RPS6KA5: variants seen among roughly 807,000 people sequenced by gnomAD.
The protein encoded by RPS6KA5 is ribosomal protein S6 kinase alpha-5.
RPS6KA5 carries 27 observed loss-of-function variants against 85.5 expected under a neutral mutation model. The ratio of observed to expected loss-of-function variants is 0.32; its 90% confidence interval spans 0.23 to 0.44. The LOEUF is 0.44. RPS6KA5 is among the 20% of genes least tolerant of loss of function. The pLI, the probability that RPS6KA5 is intolerant of heterozygous loss-of-function variation, is 1.00. For synonymous variants in RPS6KA5, 334 were observed against 348.2 expected (o/e 0.96, Z 0.46); for missense variants, 811 against 980.9 (o/e 0.83, Z 2.31).
intron 1 of RPS6KA5, among the ~76,000 whole-genome samples, chr14:91,020,277 T>C (rs377238378): frequency 2.0e-5 from 3 of 151,428 alleles, no homozygotes; most frequent in East Asian, 2.0e-4. Flanking sequence ...CAACCAATTA[T>C]AGATTTAAAA....
chr14:90,861,635 A>AAT lies in RPS6KA5; in HGVS notation c.*10437_*10438dup, dbSNP rs199677458. On this transcript the variant is annotated 3_prime_UTR_variant, in exon 17 of 17. Transcript: ENST00000614987. ...CAATAACATAAAAGGAAGAAGGGGG[A>AAT]ATACCTGTAATCCCAGCACTTTGGG... 0.018 allele frequency: 2,691 copies of AAT among 150,416 alleles called. 97 individuals are homozygous for AAT. Among genetic ancestry groups the AAT allele is most frequent in the African/African-American group, 0.062 (2,555 of 40,960 alleles). The allele number at this position is 150,416 out of a possible 1,614,324, so 9.3% of individuals were successfully genotyped here.
intron 11 of RPS6KA5, 24 bp from the exon 12 acceptor site, chr14:90,899,446 C>A (rs1203673947): frequency 1.3e-6 from 2 of 1,533,770 alleles, no homozygotes; most frequent in East Asian, 4.5e-5. Context: ...CACTTAGCAT[C>A]CACATGTCTC....
intron 2 of RPS6KA5, among the ~76,000 whole-genome samples, chr14:90,994,171 G>A (rs1054040665): frequency 6.6e-6 from 1 of 152,040 alleles, no homozygotes; most frequent in Non-Finnish European, 1.5e-5. Context: ...CACCACACCC[G>A]GCCTATCCTC....
chr14:90,915,211 G>T (rs950620798), intron 7 of RPS6KA5, among the ~76,000 whole-genome samples: 3 of 152,140 alleles, frequency 2.0e-5, no homozygotes, highest in Non-Finnish European at 2.9e-5. Flanking sequence ...AATCTTTTTT[G>T]TAAAGGGCTC....
chr14:90,980,980 T>C lies in RPS6KA5; in HGVS notation c.176-2456A>G, dbSNP rs186463172. 3.8e-3 allele frequency among the ~76,000 whole-genome samples: 576 copies of C among 152,322 alleles called. 1 individual carries two copies. Among genetic ancestry groups the C allele is most frequent in the African/African-American group, 0.013 (552 of 41,576 alleles). On this transcript the variant is annotated intron_variant, in intron 2 of 16. Coordinates refer to ENST00000614987, the MANE Select transcript of RPS6KA5 (RefSeq NM_004755.4). ...TGAGGTCAGGAGTTTGAGACCAGCC[T>C]GATCAACATGGAGAAACCCTGTCTC... is the stretch of plus-strand genomic sequence containing the variant.
At position 90,856,836 on chromosome 14, in the gene RPS6KA5, C is replaced by T; in HGVS notation, c.*15238G>A. ...TGTCACTCCCTATTTCCCCCTCCCA[C>T]CAGCCCCTGAAAAACACTAATCTTT... On this transcript the variant is annotated 3_prime_UTR_variant, in exon 17 of 17. Coordinates refer to ENST00000614987, the MANE Select transcript of RPS6KA5 (RefSeq NM_004755.4). 1 of 164,384 alleles carries T rather than the reference C, an allele frequency of 6.1e-6. No homozygotes were observed. Among genetic ancestry groups the T allele is most frequent in the Non-Finnish European group, 1.3e-5 (1 of 77,002 alleles). 10.2% of individuals were successfully genotyped at this position (164,384 alleles called of 1,614,324 possible). A position where few individuals can be genotyped will look rare whatever the true frequency, so the allele number is the denominator to read the frequency against.
intron 3 of RPS6KA5, among the ~76,000 whole-genome samples, chr14:90,962,267 T>C (rs1341942106): frequency 1.3e-5 from 2 of 150,978 alleles, no homozygotes; most frequent in East Asian, 2.0e-4. Flanking sequence ...TAAAGAATTT[T>C]TTCCTAAGGG....
chr14:90,935,794 T>C (rs1436489938), intron 5 of RPS6KA5, among the ~76,000 whole-genome samples: 1 of 152,228 alleles, frequency 6.6e-6, no homozygotes, highest in Non-Finnish European at 1.5e-5. Flanking sequence ...ACCTGGGGAT[T>C]CGTGTTAATG....
chr14:90,882,429 G>C (rs1014775352), intron 14 of RPS6KA5, among the ~76,000 whole-genome samples: 1 of 152,162 alleles, frequency 6.6e-6, no homozygotes, highest in Non-Finnish European at 1.5e-5. Context: ...AATAATGCTA[G>C]CTTTTTACAA....
At chr14:90,916,150 A>C (rs879583455) in intron 7 of RPS6KA5, among the ~76,000 whole-genome samples, 5 of 152,218 alleles carry the variant, frequency 3.3e-5, no homozygotes, top group Non-Finnish European at 5.9e-5. Flanking sequence ...TAATAATTTC[A>C]GTTTAAGAGG....
In RPS6KA5 at chr14:90,865,087, ACTCT is replaced by A. The variant is rs1249908046; in HGVS notation, c.*6983_*6986del. Reference sequence around the variant, plus strand: ...GTCTGTTTTTTTGAGACAGGGTCTCACTCTATCGCCCAGGATGGAATGTAGTGGT... The same window carrying A: ...GTCTGTTTTTTTGAGACAGGGTCTCAATCGCCCAGGATGGAATGTAGTGGT... On this transcript the variant is annotated 3_prime_UTR_variant, in exon 17 of 17. Transcript: ENST00000614987. 1 of 152,042 alleles carries A rather than the reference ACTCT, an allele frequency of 6.6e-6. No individual in the cohort carries two copies. Among genetic ancestry groups the A allele is most frequent in the Non-Finnish European group, 1.5e-5 (1 of 68,010 alleles). The allele number at this position is 152,042 out of a possible 1,614,324, so 9.4% of individuals were successfully genotyped here.
At chr14:90,925,483 C>T (rs1013094751) in intron 5 of RPS6KA5, among the ~76,000 whole-genome samples, 1 of 152,152 alleles carries the variant, frequency 6.6e-6, no homozygotes, top group African/African-American at 2.4e-5. Context: ...TCTGAATTTA[C>T]TCTTCTGCAC....
intron 5 of RPS6KA5, among the ~76,000 whole-genome samples, chr14:90,941,904 G>C (rs2037593137): frequency 1.3e-5 from 2 of 152,136 alleles, no homozygotes; most frequent in African/African-American, 4.8e-5. Flanking sequence ...ACAATTTGCT[G>C]AAGTCATCAC....
At chr14:90,980,600 T>C (rs970282491) in intron 2 of RPS6KA5, among the ~76,000 whole-genome samples, 2 of 152,220 alleles carry the variant, frequency 1.3e-5, no homozygotes, top group Non-Finnish European at 2.9e-5. Flanking sequence ...ATTATCTCCA[T>C]TTTATAAATG....
chr14:90,898,367 T>C (rs1203640208), intron 12 of RPS6KA5, among the ~76,000 whole-genome samples: 1 of 152,206 alleles, frequency 6.6e-6, no homozygotes, highest in African/African-American at 2.4e-5. Flanking sequence ...CTGCTGCTGC[T>C]GCCTGGTCTC....
At chr14:90,946,635 T>C (rs369439475) in intron 4 of RPS6KA5, among the ~76,000 whole-genome samples, 1 of 152,164 alleles carries the variant, frequency 6.6e-6, no homozygotes, top group South Asian at 2.1e-4. Context: ...AGGACCTGAA[T>C]ATAACAGGAC....
In RPS6KA5 at chr14:90,957,678, T is replaced by C. The variant is rs188501945; in HGVS notation, c.395-10128A>G. On this transcript the variant is annotated intron_variant, in intron 3 of 16. Coordinates refer to ENST00000614987, the MANE Select transcript of RPS6KA5 (RefSeq NM_004755.4). ...ATAAATTCAGGCCCATTTGCAGGAG[T>C]AGCTTTTGAGGACAGTGTTTAAAGT... 2.0e-5 allele frequency among the ~76,000 whole-genome samples: 3 copies of C among 152,152 alleles called. No homozygotes were observed. In the East Asian group the frequency reaches 5.8e-4, roughly 29 times the overall value.
At chr14:90,876,002 T>C (rs900736591) in intron 14 of RPS6KA5, among the ~76,000 whole-genome samples, 3 of 151,542 alleles carry the variant, frequency 2.0e-5, no homozygotes, top group Admixed American at 1.3e-4. Flanking sequence ...TGTATACATA[T>C]GTAAAAAACC....
intron 1 of RPS6KA5, among the ~76,000 whole-genome samples, chr14:91,058,617 C>T (rs550294811): frequency 1.3e-5 from 2 of 152,290 alleles, no homozygotes; most frequent in African/African-American, 4.8e-5. Context: ...AAGCACCTGA[C>T]ACTGAGTGTG....
Sources: allele counts gnomAD v4.1 joint callset (sites outside exome capture counted in the v4.1 genomes callset), GRCh38; gene constraint gnomAD v4.1.1; transcripts MANE v1.5; gene names NCBI Gene and HGNC (gene_info 2026-07-23, HGNC 2026-07-21).